Variants in SYTL2 observed in about 807,000 individuals in gnomAD.
SYTL2 encodes synaptotagmin like 2.
In SYTL2, 165 loss-of-function variants were observed where a neutral mutation model predicts 198.7. The ratio of observed to expected loss-of-function variants is 0.83; its 90% CI spans 0.73 to 0.94. The LOEUF (loss-of-function observed/expected upper bound fraction) is 0.94. Among genes scored for constraint, SYTL2 ranks in the 40% least tolerant of loss-of-function variants. The pLI is 0.00. For missense variants in SYTL2, 2,835 were observed against 2,582.8 expected (o/e 1.10, Z -2.12); for synonymous variants, 966 against 917.7 (o/e 1.05, Z -0.95).
intron 2 of SYTL2, among the ~76,000 whole-genome samples, chr11:85,755,794 A>C (rs2091830321): frequency 6.6e-6 from 1 of 152,192 alleles, no homozygotes; most frequent in Non-Finnish European, 1.5e-5. Flanking sequence ...AAATGAAAGG[A>C]GGCTTTCTCC....
In SYTL2 at chr11:85,725,384, G is replaced by A. The variant is rs2088997247; in HGVS notation, c.3974C>T (p.Ala1325Val). ...AAAAAGCATATCTTGGGGAGGGCTG[G>A]CCACATCCCCAAAAGAACCCTTTCT... is the stretch of plus-strand genomic sequence containing the variant. ...LSRKGSFGDV[A>V]SPPQDMLFPQ... Residue 1325 changes from alanine to valine, a missense_variant, in exon 8 of 20, where the codon GCC becomes GTC. This residue lies in a region of SYTL2 where 2,645 missense variants were observed against 2,381.7 expected (regional missense o/e 1.11). Coordinates refer to ENST00000359152, the MANE Select transcript of SYTL2 (RefSeq NM_206927.4). 3 of 1,613,926 alleles carry A rather than the reference G, an allele frequency of 1.9e-6. No homozygotes were observed. In the South Asian group the frequency reaches 3.3e-5, roughly 18 times the overall value.
the SYTL2 span, among the ~76,000 whole-genome samples, chr11:85,828,776 T>A: frequency 6.6e-6 from 1 of 152,248 alleles, no homozygotes; most frequent in Admixed American, 6.5e-5. Flanking sequence ...GACTACATGA[T>A]TTGTCCATGG....
At chr11:85,752,947 A>AC (rs1368018370) in intron 2 of SYTL2, among the ~76,000 whole-genome samples, 2 of 142,666 alleles carry the variant, frequency 1.4e-5, no homozygotes, top group Non-Finnish European at 3.0e-5. Context: ...AAAAAAAAAA[A>AC]AAAACACAAC....
chr11:85,734,003 A>C lies in SYTL2; in HGVS notation c.1326T>G (p.Asn442Lys). The change falls in exon 7 of 20, where the codon AAT becomes AAG. Residue 442 changes from asparagine to lysine, a missense_variant. Coordinates refer to ENST00000359152, the MANE Select transcript of SYTL2 (RefSeq NM_206927.4). ...ATTCTGATGATTTATCTTTGGGTTC[A>C]TTGATGGTTGGTGAATTCTCCATAG... Reference protein sequence around the residue: ...PQSMENSPTINEPKDKSSELT... With the variant: ...PQSMENSPTIKEPKDKSSELT... 1.2e-6 allele frequency: 2 copies of C among 1,614,118 alleles called. No individual in the cohort carries two copies. Among genetic ancestry groups the C allele is most frequent in the South Asian group, 2.2e-5 (2 of 91,088 alleles).
the SYTL2 span, among the ~76,000 whole-genome samples, chr11:85,826,488 C>T: frequency 4.6e-5 from 7 of 152,186 alleles, no homozygotes; most frequent in Non-Finnish European, 5.9e-5. Flanking sequence ...AGACCAGGAG[C>T]CTGGTCTTGA....
upstream of SYTL2, among the ~76,000 whole-genome samples, chr11:85,815,209 T>C (rs1020633387): frequency 6.6e-6 from 1 of 152,202 alleles, no homozygotes; most frequent in East Asian, 1.9e-4. Flanking sequence ...AATGAAAAAG[T>C]AAAAGAACCT....
At chr11:85,820,018 C>T in the SYTL2 span, among the ~76,000 whole-genome samples, 68 of 152,284 alleles carry the variant, frequency 4.5e-4, no homozygotes, top group South Asian at 0.011. Context: ...AAATACAAAG[C>T]GCAGATCATT....
chr11:85,836,917 C>T, the SYTL2 span, among the ~76,000 whole-genome samples: 1 of 152,130 alleles, frequency 6.6e-6, no homozygotes, highest in African/African-American at 2.4e-5. Context: ...TTCCTTCTGG[C>T]ATTTTTAACC....
At position 85,769,650 on chromosome 11, in the gene SYTL2, C is replaced by G. The variant is rs186159529; in HGVS notation, c.-389-11536G>C. Among the ~76,000 whole-genome samples the G allele has an allele frequency of 5.3e-5, 8 of 152,348 alleles. No individual in the cohort carries two copies. In the East Asian group the frequency reaches 1.2e-3, roughly 22 times the overall value. On this transcript the variant is annotated intron_variant, in intron 1 of 19. Coordinates refer to ENST00000359152, the MANE Select transcript of SYTL2 (RefSeq NM_206927.4). ...GTTACTTATTCATCTCTGAGTCCAT[C>G]TGTGAGTTGTGCCAAACCCCTATTG...
At chr11:85,842,673 G>T in the SYTL2 span, among the ~76,000 whole-genome samples, 2,298 of 152,294 alleles carry the variant, frequency 0.015, 101 homozygotes, top group East Asian at 0.099. Context: ...ACCTGACCTA[G>T]ACCTGGGTGG....
intron 18 of SYTL2, among the ~76,000 whole-genome samples, chr11:85,696,826 T>C (rs1369993502): frequency 6.6e-6 from 1 of 152,224 alleles, no homozygotes; most frequent in African/African-American, 2.4e-5. Context: ...AAGCACAGGC[T>C]ATCCTGATTA....
chr11:85,828,598 A>G, the SYTL2 span, among the ~76,000 whole-genome samples: 1 of 152,238 alleles, frequency 6.6e-6, no homozygotes, highest in Non-Finnish European at 1.5e-5. Context: ...ACTACCTGGA[A>G]GGATAATTTC....
rs112240033 is a variant in SYTL2, at chr11:85,786,903, G to A, written c.-390+24051C>T. ...TTTATACCTGTTTGATACCCTCTCA[G>A]TGCCTAGCACAATGCTCAACCCAGA... On this transcript the variant is annotated intron_variant, in intron 1 of 19. Coordinates refer to ENST00000359152, the MANE Select transcript of SYTL2 (RefSeq NM_206927.4). 4.2e-3 allele frequency among the ~76,000 whole-genome samples: 642 copies of A among 152,304 alleles called. 4 individuals are homozygous for A. The highest frequency in any genetic ancestry group is 0.014 in the African/African-American group (593 of 41,554).
At chr11:85,787,506 C>T (rs1245174401) in intron 1 of SYTL2, among the ~76,000 whole-genome samples, 2 of 151,932 alleles carry the variant, frequency 1.3e-5, no homozygotes, top group Non-Finnish European at 2.9e-5. Flanking sequence ...GTAGTGTGGA[C>T]AAAGTAAATG....
chr11:85,726,173 A>C lies in SYTL2; in HGVS notation c.3185T>G (p.Val1062Gly). Reference sequence around the variant, plus strand: ...AGGAAATGTGATTTCATCTGGTAGCACCTGGAGTATGCCCTTTGAATTTAA... The same window carrying C: ...AGGAAATGTGATTTCATCTGGTAGCCCCTGGAGTATGCCCTTTGAATTTAA... ...EKLNSKGILQ[V>G]LPDEITFPLS... Residue 1062 changes from valine to glycine, a missense_variant, in exon 8 of 20, where the codon GTG (valine) becomes GGG (glycine). Val to Gly is a moderately radical substitution (Grantham distance 109). Transcript: ENST00000359152. 6.2e-7 allele frequency: 1 copy of C among 1,614,008 alleles called. No homozygotes were observed.
intron 7 of SYTL2, among the ~76,000 whole-genome samples, chr11:85,730,593 T>C (rs1393419274): frequency 5.3e-5 from 8 of 152,090 alleles, no homozygotes; most frequent in Admixed American, 5.2e-4. Context: ...GGAACGTATC[T>C]CAAAATAATA....
chr11:85,696,914 T>C (rs2083489349), intron 18 of SYTL2, among the ~76,000 whole-genome samples: 1 of 152,212 alleles, frequency 6.6e-6, no homozygotes. Context: ...AGATTTGACT[T>C]TGGAAATAAA....
Position 85,708,837 on chromosome 11 carries a change from ATTTTTTTTT to A in SYTL2, c.5915+485_5915+493del, listed in dbSNP as rs72460497. Among the ~76,000 whole-genome samples, 363 of 71,594 alleles carry A rather than the reference ATTTTTTTTT, an allele frequency of 5.1e-3. 2 individuals are homozygous for A. The highest frequency in any genetic ancestry group is 0.011 in the Admixed American group (52 of 4,902). 47.0% of individuals were successfully genotyped at this position (71,594 alleles called of 152,430 possible). A position where few individuals can be genotyped will look rare whatever the true frequency, so the allele number is the denominator to read the frequency against. On this transcript the variant is annotated intron_variant, in intron 14 of 19. Coordinates refer to ENST00000359152, the MANE Select transcript of SYTL2 (RefSeq NM_206927.4). ...TTGAAACATTTTGTGCTTCTCTGTG[ATTTTTTTTT>A]TTTTTTTTTTTTTTTTTGAGATGGA...
intron 14 of SYTL2, chr11:85,708,086 C>A: frequency 2.4e-6 from 1 of 422,860 alleles, no homozygotes. Context: ...TCGCTTGAAC[C>A]CGGGAGGCGA....
Sources: gnomAD v4.1 joint callset for allele counts (sites outside exome capture counted in the v4.1 genomes callset) on GRCh38, gnomAD v4.1.1 for gene constraint, gnomAD v4.1.1 regional missense constraint, MANE v1.5 for transcripts, NCBI Gene and HGNC (gene_info 2026-07-23, HGNC 2026-07-21) for gene names.